The following ASPSCR1 variants were observed in gnomAD, a reference collection of about 807,000 sequenced individuals.
The protein encoded by ASPSCR1 is tether containing UBX domain for GLUT4.
ASPSCR1 carries 55 observed loss-of-function variants against 68.9 expected under a neutral mutation model. The ratio of observed to expected loss-of-function variants is 0.80; its 90% CI spans 0.64 to 1.00. The LOEUF (loss-of-function observed/expected upper bound fraction) is 1.00. ASPSCR1 is among the 50% of genes least tolerant of loss of function. The pLI is 0.00. For missense variants in ASPSCR1, 765 were observed against 762.2 expected, an observed-to-expected ratio of 1.00 and a Z score of -0.04; for synonymous variants, 352 against 332.6, an observed-to-expected ratio of 1.06 and a Z score of -0.63.
At chr17:82,012,420 G>A (rs1482514552) in intron 12 of ASPSCR1, 137 bp downstream of exon 12, 1 of 1,024,336 alleles carries the variant, frequency 9.8e-7, no homozygotes, top group East Asian at 2.5e-5. Context: ...GAGCCGGTGG[G>A]TTCCGAGGGG....
chr17:81,997,584 T>C (rs1187131831), intron 7 of ASPSCR1, among the ~76,000 whole-genome samples: 10 of 149,854 alleles, frequency 6.7e-5, no homozygotes, highest in Non-Finnish European at 1.5e-5. Context: ...GCCACCCAAG[T>C]TCAAGTGATT....
At chr17:82,004,054 C>T (rs2042624474) in intron 7 of ASPSCR1, among the ~76,000 whole-genome samples, 1 of 152,226 alleles carries the variant, frequency 6.6e-6, no homozygotes, top group African/African-American at 2.4e-5. Flanking sequence ...GTTGGGGCCA[C>T]CTCCGAATGG....
intron 4 of ASPSCR1, among the ~76,000 whole-genome samples, chr17:81,988,160 AAAAAG>A (rs1384103738): frequency 2.6e-5 from 4 of 151,346 alleles, no homozygotes; most frequent in Non-Finnish European, 5.9e-5. Flanking sequence ...AAAAAAAAAA[AAAAAG>A]AAACAACAGA....
intron 7 of ASPSCR1, chr17:82,007,935 G>A (rs1598426220): frequency 6.6e-6 from 1 of 152,316 alleles, no homozygotes; most frequent in Non-Finnish European, 1.5e-5. Context: ...GCCACCTGTG[G>A]GCCCCACTGC....
intron 8 of ASPSCR1, 111 bp from the exon 9 acceptor site, chr17:82,009,375 T>A: frequency 3.7e-6 from 5 of 1,356,936 alleles, no homozygotes; most frequent in Non-Finnish European, 5.0e-6. Context: ...CTGCCTTGTG[T>A]GGGGAGAGCA....
At chr17:81,985,423 CTG>C in intron 3 of ASPSCR1, 82 bp from the exon 4 acceptor site, 1 of 1,436,096 alleles carries the variant, frequency 7.0e-7, no homozygotes. Context: ...GTCACCCTCT[CTG>C]TGTCTGGAGA....
At chr17:82,000,324 T>A (rs2042487609) in intron 7 of ASPSCR1, among the ~76,000 whole-genome samples, 1 of 151,850 alleles carries the variant, frequency 6.6e-6, no homozygotes. Context: ...TGGGGTGGGG[T>A]CTTGGCTGGC....
chr17:81,994,599 G>A (rs75607123), intron 4 of ASPSCR1, among the ~76,000 whole-genome samples: 2,831 of 152,328 alleles, frequency 0.019, 79 homozygotes, highest in African/African-American at 0.063. Context: ...CACAGGCCAG[G>A]GTCCTTGGGA....
chr17:81,996,498 C>A lies in ASPSCR1; in HGVS notation c.585C>A (p.Ala195=). Residue 195 remains alanine (A), a synonymous_variant, in exon 7 of 16, where the codon GCC becomes GCA. Transcript: ENST00000306739. ...LGSSASAGQA[A]ASAPLPLESG... ...CGTCAGCGTCGGCTGGCCAGGCAGC[C>A]GCCAGCGCTCCACTTCCCTTGGAAT... is the stretch of plus-strand genomic sequence containing the variant. 1.9e-6 allele frequency: 3 copies of A among 1,612,026 alleles called. No homozygotes were observed. Among genetic ancestry groups the A allele is most frequent in the Non-Finnish European group, 1.7e-6 (2 of 1,179,320 alleles).
At chr17:82,015,247 A>G in intron 12 of ASPSCR1, 1 of 1,598,276 alleles carries the variant, frequency 6.3e-7, no homozygotes, top group Non-Finnish European at 8.5e-7. Context: ...AGCACTGGTC[A>G]GCCTCCATGC....
At position 81,996,657 on chromosome 17, in the gene ASPSCR1, G is replaced by A; in HGVS notation, c.744G>A (p.Gly248=). ...AAAPFVPFSG[G]GQRLGGPPGP... is the part of the protein sequence containing the mutation. Reference sequence around the variant, plus strand: ...CCCCCTTTGTTCCTTTCTCGGGTGGGGGACAGAGACTGGGGGGCCCTCCTG... The same window carrying A: ...CCCCCTTTGTTCCTTTCTCGGGTGGAGGACAGAGACTGGGGGGCCCTCCTG... The change falls in exon 7 of 16, where the codon GGG becomes GGA. Residue 248 remains glycine, a synonymous_variant. Coordinates refer to ENST00000306739, the MANE Select transcript of ASPSCR1 (RefSeq NM_024083.4). 1 of 1,612,872 alleles carries A rather than the reference G, an allele frequency of 6.2e-7. No homozygotes were observed. The highest frequency in any genetic ancestry group is 8.5e-7 in the Non-Finnish European group (1 of 1,179,670).
chr17:82,015,141 G>A (rs776180763), intron 12 of ASPSCR1: 1 of 1,598,310 alleles, frequency 6.3e-7, no homozygotes, highest in Non-Finnish European at 8.5e-7. Context: ...CCTGGGACCA[G>A]AGCAGAGAAC....
chr17:81,982,295 C>T (rs2041820643), intron 2 of ASPSCR1, among the ~76,000 whole-genome samples: 1 of 152,224 alleles, frequency 6.6e-6, no homozygotes, highest in East Asian at 1.9e-4. Context: ...TGTTCACCTG[C>T]CCGTGGTCTG....
Position 81,977,634 on chromosome 17 carries a change from A to G in ASPSCR1, c.-13A>G. On this transcript the variant is annotated 5_prime_UTR_variant, in exon 1 of 16. Coordinates refer to ENST00000306739, the MANE Select transcript of ASPSCR1 (RefSeq NM_024083.4). This position sits in a 1 kb window ranked among gnomAD's most constrained non-coding sequence, Gnocchi z 5.0. ...TTTGACGCCGGCCCGGCGGCGGGTC[A>G]CGTGAGCGGAAAATGGCGGCCCCGG... is the stretch of plus-strand genomic sequence containing the variant. 1 of 1,384,808 alleles carries G rather than the reference A, an allele frequency of 7.2e-7. No individual in the cohort carries two copies. The highest frequency in any genetic ancestry group is 1.5e-5 in the South Asian group (1 of 67,244). 85.8% of individuals were successfully genotyped at this position (1,384,808 alleles called of 1,614,324 possible).
At position 82,017,393 on chromosome 17, in the gene ASPSCR1, T is replaced by C; in HGVS notation, c.*71T>C. 5 of 1,604,996 alleles carry C rather than the reference T, an allele frequency of 3.1e-6. No individual in the cohort carries two copies. In the South Asian group the frequency reaches 3.3e-5, roughly 11 times the overall value. ...TCCTCTGCCAGCAGGAATAAAGACTTGTGCATCCCTCAACGCCTTCCTGTC... is the reference window on the plus strand; with the variant it reads ...TCCTCTGCCAGCAGGAATAAAGACTCGTGCATCCCTCAACGCCTTCCTGTC... On this transcript the variant is annotated 3_prime_UTR_variant, in exon 16 of 16. Transcript: ENST00000306739.
At chr17:81,985,885 G>T (rs2041978619) in intron 4 of ASPSCR1, among the ~76,000 whole-genome samples, 1 of 152,114 alleles carries the variant, frequency 6.6e-6, no homozygotes, top group Non-Finnish European at 1.5e-5. Context: ...CTGTCCTTGT[G>T]GGGGCCTGGT....
chr17:81,996,894 ATG>A, intron 7 of ASPSCR1, 48 bp downstream of exon 7: 1 of 1,532,746 alleles, frequency 6.5e-7, no homozygotes, highest in East Asian at 2.3e-5. Flanking sequence ...CTTTCTCCTG[ATG>A]TGTAGCCCTG....
At position 81,994,850 on chromosome 17, in the gene ASPSCR1, C is replaced by A. The variant is rs1433706732; in HGVS notation, c.404C>A (p.Thr135Asn). Residue 135 changes from threonine to asparagine, a missense_variant, in exon 5 of 16, where the codon ACC becomes AAC. By Grantham distance (65) the Thr-to-Asn change is moderately conservative (BLOSUM62 0). Transcript: ENST00000306739. ...TGCCTGCAGCACCCCGGCGGGGCCA[C>A]CCCAGTCTGCGTGTACACGAGGGAT... Reference protein sequence around the residue: ...RECLQHPGGATPVCVYTRDEV... With the variant: ...RECLQHPGGANPVCVYTRDEV... The A allele has an allele frequency of 2.5e-6, 4 of 1,612,992 alleles. No individual in the cohort carries two copies. The highest frequency in any genetic ancestry group is 2.5e-6 in the Non-Finnish European group (3 of 1,179,856).
intron 4 of ASPSCR1, among the ~76,000 whole-genome samples, chr17:81,991,787 C>T (rs2042175748): frequency 2.0e-5 from 3 of 152,258 alleles, no homozygotes; most frequent in Admixed American, 6.5e-5. Flanking sequence ...AGCTTCTGTT[C>T]CCGGCAGGGC....
Sources: allele counts gnomAD v4.1 joint callset (sites outside exome capture counted in the v4.1 genomes callset), GRCh38; gene constraint gnomAD v4.1.1; non-coding constraint Gnocchi (gnomAD v3.1); transcripts MANE v1.5; gene names NCBI Gene and HGNC (gene_info 2026-07-23, HGNC 2026-07-21).